The following CNTNAP3B variants were observed in gnomAD, a reference collection of about 807,000 sequenced individuals.
CNTNAP3B encodes the protein contactin associated protein family member 3B.
CNTNAP3B carries 25 observed loss-of-function variants against 108.9 expected under a neutral mutation model. The ratio of observed to expected loss-of-function variants is 0.23; its 90% confidence interval spans 0.17 to 0.32. The LOEUF (loss-of-function observed/expected upper bound fraction) is 0.32. Among genes scored for constraint, CNTNAP3B ranks in the 10% least tolerant of loss-of-function variants. The pLI, the probability that CNTNAP3B is intolerant of heterozygous loss-of-function variation, is 1.00. For missense variants in CNTNAP3B, 252 were observed against 1,210.4 expected (o/e 0.21, Z 11.75); for synonymous variants, 103 against 473.4 (o/e 0.22, Z 10.16).
intron 13 of CNTNAP3B, among the ~76,000 whole-genome samples, chr9:41,939,791 A>G (rs1824278112): frequency 6.6e-6 from 1 of 152,248 alleles, no homozygotes; most frequent in African/African-American, 2.4e-5. Flanking sequence ...AGAAACAGTA[A>G]CAAAAAGATG....
At chr9:42,118,629 C>T (rs1326023919) in intron 1 of CNTNAP3B, among the ~76,000 whole-genome samples, 97 of 112,514 alleles carry the variant, frequency 8.6e-4, no homozygotes, top group East Asian at 4.0e-3. Context: ...GACAGGATGC[C>T]CTCTCTCACC....
At chr9:42,097,854 T>C (rs1274470919) in intron 2 of CNTNAP3B, among the ~76,000 whole-genome samples, 1 of 137,890 alleles carries the variant, frequency 7.3e-6, no homozygotes, top group Non-Finnish European at 1.5e-5. Flanking sequence ...CTGAGGACTT[T>C]GCTAAGCATT....
At chr9:42,090,906 A>T (rs28378823) in intron 2 of CNTNAP3B, among the ~76,000 whole-genome samples, 1 of 57,724 alleles carries the variant, frequency 1.7e-5, no homozygotes, top group East Asian at 8.7e-4. Context: ...ATTACATAAA[A>T]TATAAAGTTC....
chr9:42,108,733 G>A (rs1333862797), intron 1 of CNTNAP3B, among the ~76,000 whole-genome samples: 2 of 135,444 alleles, frequency 1.5e-5, no homozygotes, highest in Non-Finnish European at 3.1e-5. Flanking sequence ...GCTCTGCCTA[G>A]GTTCCTCTCT....
chr9:42,125,269 G>C lies in CNTNAP3B; in HGVS notation c.85+3741C>G, dbSNP rs1220750707. Among the ~76,000 whole-genome samples the C allele has an allele frequency of 3.6e-5, 5 of 138,950 alleles. 1 individual carries two copies. Among genetic ancestry groups the C allele is most frequent in the African/African-American group, 8.6e-5 (3 of 34,944 alleles). The allele number at this position is 138,950 out of a possible 152,430, so 91.2% of individuals were successfully genotyped here. A position where few individuals can be genotyped will look rare whatever the true frequency, so the allele number is the denominator to read the frequency against. ...TAGTTGCCTTGTTTTCTTAGCCTCT[G>C]TCAATCTGGAATGCCTCCTTCCTCA... On this transcript the variant is annotated intron_variant, in intron 1 of 23. Transcript: ENST00000377561.
At chr9:42,066,127 G>A (rs1369056778) in intron 3 of CNTNAP3B, among the ~76,000 whole-genome samples, 4 of 135,520 alleles carry the variant, frequency 3.0e-5, no homozygotes, top group Non-Finnish European at 6.3e-5. Flanking sequence ...ATTTTATTAT[G>A]GGTTAAATTA....
intron 3 of CNTNAP3B, among the ~76,000 whole-genome samples, chr9:42,042,212 C>T (rs1826776219): frequency 9.9e-6 from 1 of 100,980 alleles, no homozygotes. Flanking sequence ...TACACATGTA[C>T]CCTAGAACTT....
intron 15 of CNTNAP3B, among the ~76,000 whole-genome samples, chr9:41,926,220 C>T (rs1206526837): frequency 1.3e-5 from 2 of 152,238 alleles, no homozygotes; most frequent in Admixed American, 1.3e-4. Flanking sequence ...ATGCTCCTCA[C>T]TTTTTTTACA....
chr9:42,071,397 C>T (rs1395954395), intron 3 of CNTNAP3B, among the ~76,000 whole-genome samples: 7 of 138,596 alleles, frequency 5.1e-5, no homozygotes, highest in Non-Finnish European at 1.1e-4. Flanking sequence ...ATGGATCTTG[C>T]TTGACATTTT....
chr9:42,110,012 G>A lies in CNTNAP3B; in HGVS notation c.86-5273C>T, dbSNP rs984618580. On this transcript the variant is annotated intron_variant, in intron 1 of 23. Transcript: ENST00000377561. ...GAATGCATGTCCCCCTAGAGCCTTC[G>A]TAGGGAGTGTGGCCCATCTTGATTT... 8.6e-5 allele frequency among the ~76,000 whole-genome samples: 12 copies of A among 138,888 alleles called. 3 individuals are homozygous for A. The highest frequency in any genetic ancestry group is 4.7e-4 in the South Asian group (2 of 4,290). 91.1% of individuals were successfully genotyped at this position (138,888 alleles called of 152,430 possible). A position where few individuals can be genotyped will look rare whatever the true frequency, so the allele number is the denominator to read the frequency against.
chr9:42,038,590 C>G (rs546081899), intron 3 of CNTNAP3B, among the ~76,000 whole-genome samples: 3 of 122,362 alleles, frequency 2.5e-5, no homozygotes, highest in African/African-American at 1.0e-4. Flanking sequence ...CTATCCTAAA[C>G]ATATATGCAC....
At chr9:42,086,602 G>A (rs1271818968) in intron 2 of CNTNAP3B, among the ~76,000 whole-genome samples, 3 of 94,454 alleles carry the variant, frequency 3.2e-5, no homozygotes, top group South Asian at 3.6e-4. Context: ...GCACCACCAC[G>A]TCCAGCTAAT....
chr9:42,082,764 C>T (rs1827628413), intron 2 of CNTNAP3B, among the ~76,000 whole-genome samples: 1 of 136,702 alleles, frequency 7.3e-6, no homozygotes, highest in Non-Finnish European at 1.6e-5. Context: ...AATGCATCTA[C>T]ACTCCCTAGC....
intron 13 of CNTNAP3B, among the ~76,000 whole-genome samples, chr9:41,942,099 A>T (rs1824365035): frequency 1.3e-5 from 2 of 152,278 alleles, no homozygotes; most frequent in African/African-American, 2.4e-5. Flanking sequence ...ACCCAAGGGA[A>T]GGGGAAGGAA....
intron 1 of CNTNAP3B, among the ~76,000 whole-genome samples, chr9:42,125,264 C>T (rs1489420399): frequency 1.4e-5 from 2 of 138,900 alleles, no homozygotes; most frequent in Non-Finnish European, 1.5e-5. Flanking sequence ...GTTTTCTTAG[C>T]CTCTGTCAAT....
At chr9:42,044,963 T>C (rs1826841771) in intron 3 of CNTNAP3B, among the ~76,000 whole-genome samples, 2 of 104,670 alleles carry the variant, frequency 1.9e-5, no homozygotes, top group Admixed American at 2.0e-4. Flanking sequence ...TCGTAACATA[T>C]AAGCTGTTTC....
intron 1 of CNTNAP3B, among the ~76,000 whole-genome samples, chr9:42,113,960 A>G (rs1389563886): frequency 7.4e-6 from 1 of 134,388 alleles, no homozygotes; most frequent in East Asian, 2.2e-4. Flanking sequence ...AAAAAAATTA[A>G]AAATAATAAT....
Position 42,094,629 on chromosome 9 carries a change from C to T in CNTNAP3B, c.196+10000G>A, listed in dbSNP as rs915633005. ...TGTGATCTTGCCACTGTACTCCAAA[C>T]CTGGGCAACAGAGCAAGACTGTGTT... On this transcript the variant is annotated intron_variant, in intron 2 of 23. Coordinates refer to ENST00000377561, the MANE Select transcript of CNTNAP3B (RefSeq NM_001201380.3). Among the ~76,000 whole-genome samples the T allele has an allele frequency of 5.4e-4, 66 of 122,678 alleles. 5 individuals carry two copies. The highest frequency in any genetic ancestry group is 2.0e-3 in the African/African-American group (59 of 29,636). 80.5% of individuals were successfully genotyped at this position (122,678 alleles called of 152,430 possible).
intron 13 of CNTNAP3B, among the ~76,000 whole-genome samples, chr9:41,943,112 G>C (rs1255975412): frequency 1.3e-5 from 2 of 152,290 alleles, no homozygotes; most frequent in Middle Eastern, 3.2e-3. Flanking sequence ...CAACATGCAA[G>C]AAGAGATAGG....
Sources: allele counts gnomAD v4.1 joint callset (sites outside exome capture counted in the v4.1 genomes callset), GRCh38; gene constraint gnomAD v4.1.1; transcripts MANE v1.5; gene names NCBI Gene and HGNC (gene_info 2026-07-23, HGNC 2026-07-21).